The following AGBL4 variants were observed in gnomAD, a reference collection of about 807,000 sequenced individuals.
AGBL4 encodes the protein AGBL carboxypeptidase 4.
In AGBL4, 58 loss-of-function variants were observed where a neutral mutation model predicts 66.4. The ratio of observed to expected loss-of-function variants is 0.87; its 90% confidence interval spans 0.71 to 1.09. AGBL4 has a LOEUF of 1.09. Ranked by LOEUF, AGBL4 falls within the 50% of genes least tolerant of loss-of-function variation. The probability of loss-of-function intolerance (pLI) is 0.00; values close to 1 mark genes in which losing one functional copy is unlikely to be tolerated. For missense variants in AGBL4, 579 were observed against 631.0 expected (o/e 0.92, Z 0.88); for synonymous variants, 234 against 222.9 (o/e 1.05, Z -0.44).
intron 1 of AGBL4, among the ~76,000 whole-genome samples, chr1:49,857,178 G>T (rs1276201900): frequency 6.6e-6 from 1 of 151,920 alleles, no homozygotes. Flanking sequence ...CCAACGGGCT[G>T]AAAGACTGCA....
intron 4 of AGBL4, among the ~76,000 whole-genome samples, chr1:49,111,390 G>A (rs1436166357): frequency 6.6e-6 from 1 of 152,188 alleles, no homozygotes; most frequent in Non-Finnish European, 1.5e-5. Context: ...GGGATTACAG[G>A]CATGAGCCAC....
chr1:48,717,501 A>G (rs775228417), intron 6 of AGBL4, among the ~76,000 whole-genome samples: 1 of 152,150 alleles, frequency 6.6e-6, no homozygotes, highest in Non-Finnish European at 1.5e-5. Flanking sequence ...ATTTCACTCT[A>G]TGATGAAAGT....
chr1:48,971,850 C>T (rs1303584644), intron 5 of AGBL4, among the ~76,000 whole-genome samples: 1 of 152,108 alleles, frequency 6.6e-6, no homozygotes, highest in Non-Finnish European at 1.5e-5. Context: ...GGCTTGTGAA[C>T]CCCATGCACT....
chr1:48,936,694 T>C (rs569376384), intron 5 of AGBL4, among the ~76,000 whole-genome samples: 1 of 152,216 alleles, frequency 6.6e-6, no homozygotes, highest in Non-Finnish European at 1.5e-5. Flanking sequence ...CCGGTCTTAT[T>C]TGCAAATAAT....
intron 4 of AGBL4, among the ~76,000 whole-genome samples, chr1:49,151,214 A>G (rs899366072): frequency 1.3e-5 from 2 of 150,398 alleles, no homozygotes; most frequent in Admixed American, 6.6e-5. Context: ...GCTTGCAGTG[A>G]GCCGAGATCG....
intron 3 of AGBL4, among the ~76,000 whole-genome samples, chr1:49,571,241 G>T (rs1236314836): frequency 2.6e-5 from 4 of 151,388 alleles, no homozygotes; most frequent in Admixed American, 2.6e-4. Context: ...TTTTTCATTT[G>T]TTTGTGTCAT....
chr1:48,864,143 A>T (rs546723468), intron 6 of AGBL4, among the ~76,000 whole-genome samples: 1 of 152,166 alleles, frequency 6.6e-6, no homozygotes, highest in Non-Finnish European at 1.5e-5. Flanking sequence ...TGAAAAATCA[A>T]TTCACAGAAG....
At chr1:49,820,687 C>T (rs546224287) in intron 2 of AGBL4, among the ~76,000 whole-genome samples, 3 of 152,272 alleles carry the variant, frequency 2.0e-5, no homozygotes, top group African/African-American at 7.2e-5. Flanking sequence ...TATAGGACAT[C>T]AGACTGGTTA....
chr1:48,572,532 G>A (rs1395322751), intron 11 of AGBL4, among the ~76,000 whole-genome samples: 2 of 151,858 alleles, frequency 1.3e-5, no homozygotes, highest in Non-Finnish European at 2.9e-5. Context: ...AATTGTGTGT[G>A]TGTGTGAGTG....
At chr1:49,762,348 A>G (rs1428509672) in intron 2 of AGBL4, among the ~76,000 whole-genome samples, 2 of 150,640 alleles carry the variant, frequency 1.3e-5, no homozygotes, top group African/African-American at 4.9e-5. Flanking sequence ...TTTTTCATGT[A>G]CCTGTTGGCC....
rs1471828968 is a variant in AGBL4, at chr1:49,151,307, T to TA, written c.377+94462dup. Among the ~76,000 whole-genome samples the TA allele has an allele frequency of 9.3e-5, 14 of 150,316 alleles. No homozygotes were observed. The East Asian group carries it at 2.3e-3, about 25-fold the overall frequency. ...ATATATATATATATATATGTATATG[T>TA]ATACACACACACATACACATAAACA... On this transcript the variant is annotated intron_variant, in intron 4 of 13. Transcript: ENST00000371839.
At chr1:49,169,297 T>C (rs984098026) in intron 4 of AGBL4, among the ~76,000 whole-genome samples, 23 of 152,310 alleles carry the variant, frequency 1.5e-4, no homozygotes, top group Admixed American at 7.2e-4. Flanking sequence ...GCCAGTTAAA[T>C]AGCTGGTTAT....
chr1:48,848,319 A>G (rs930492850), intron 6 of AGBL4, among the ~76,000 whole-genome samples: 10 of 152,210 alleles, frequency 6.6e-5, no homozygotes, highest in Non-Finnish European at 1.5e-5. Context: ...TCTAAATGAC[A>G]TATTTTTGCC....
intron 1 of AGBL4, among the ~76,000 whole-genome samples, chr1:49,970,895 A>G (rs553093226): frequency 6.2e-4 from 95 of 152,280 alleles, no homozygotes; most frequent in African/African-American, 2.3e-3. Context: ...TCAAAGTTAT[A>G]TAACTCCTTG....
At chr1:49,881,250 G>C (rs1318491065) in intron 1 of AGBL4, among the ~76,000 whole-genome samples, 4 of 152,066 alleles carry the variant, frequency 2.6e-5, no homozygotes, top group Non-Finnish European at 5.9e-5. Context: ...AGTATTCCAT[G>C]GTGTATATGT....
At chr1:49,392,963 A>C (rs1173490020) in intron 3 of AGBL4, among the ~76,000 whole-genome samples, 4 of 152,196 alleles carry the variant, frequency 2.6e-5, no homozygotes, top group African/African-American at 4.8e-5. Context: ...CAAAAATTTC[A>C]ATGTTAGTTT....
At chr1:48,594,195 G>C (rs1489776482) in intron 9 of AGBL4, among the ~76,000 whole-genome samples, 1 of 152,014 alleles carries the variant, frequency 6.6e-6, no homozygotes, top group East Asian at 1.9e-4. Context: ...GTGGTGGTGG[G>C]CACCTGTAAT....
At chr1:49,492,346 A>G (rs1377822342) in intron 3 of AGBL4, among the ~76,000 whole-genome samples, 1 of 151,976 alleles carries the variant, frequency 6.6e-6, no homozygotes, top group African/African-American at 2.4e-5. Flanking sequence ...TGGGCAGGAC[A>G]GATGAGGGGC....
intron 3 of AGBL4, among the ~76,000 whole-genome samples, chr1:49,471,401 C>T (rs1646741340): frequency 6.6e-6 from 1 of 151,892 alleles, no homozygotes. Context: ...TATTCAGGAG[C>T]CTGCTTCTAG....
Sources: gnomAD v4.1 joint callset for allele counts (sites outside exome capture counted in the v4.1 genomes callset) on GRCh38, gnomAD v4.1.1 for gene constraint, MANE v1.5 for transcripts, NCBI Gene and HGNC (gene_info 2026-07-23, HGNC 2026-07-21) for gene names.